CDK5RAP2: variants seen among roughly 807,000 people sequenced by gnomAD.
CDK5RAP2 encodes CDK5 regulatory subunit associated protein 2, also known as CDK5 regulatory subunit-associated protein 2.
CDK5RAP2 carries 147 observed loss-of-function variants against 232.9 expected under a neutral mutation model. That is an observed-to-expected ratio of 0.63 (90% CI 0.55 to 0.72). The LOEUF (loss-of-function observed/expected upper bound fraction) is 0.72, where lower values mean the gene tolerates loss of function less well. CDK5RAP2 is among the 30% of genes least tolerant of loss of function. The pLI is 0.00. For missense variants in CDK5RAP2, 2,195 were observed against 2,231.5 expected (o/e 0.98, Z 0.33); for synonymous variants, 833 against 833.7 (o/e 1.00, Z 0.01).
rs2042876825 is a variant in CDK5RAP2 at position 120,572,103 on chromosome 9, C to T, written c.60-62G>A. On this transcript the variant is annotated intron_variant, in intron 1 of 37. Coordinates refer to ENST00000349780, the MANE Select transcript of CDK5RAP2 (RefSeq NM_018249.6). ...GTTTGAACAACAGAGACTGTTAAGA[C>T]GGTCTGGACTGCACATGACAATCAT... 13 of 1,257,200 alleles carry T rather than the reference C, an allele frequency of 1.0e-5. 1 individual carries two copies. Among genetic ancestry groups the T allele is most frequent in the South Asian group, 3.6e-5 (3 of 83,742 alleles). 77.9% of individuals were successfully genotyped at this position (1,257,200 alleles called of 1,614,324 possible).
intron 24 of CDK5RAP2, among the ~76,000 whole-genome samples, 156 bp from the exon 25 acceptor site, chr9:120,437,683 G>A (rs374293883): frequency 6.6e-6 from 1 of 152,166 alleles, no homozygotes; most frequent in Non-Finnish European, 1.5e-5. Flanking sequence ...TACAAGGTCA[G>A]CTCTTCTTTG....
At chr9:120,500,246 GA>G (rs1229974731) in intron 12 of CDK5RAP2, among the ~76,000 whole-genome samples, 8 of 151,986 alleles carry the variant, frequency 5.3e-5, no homozygotes, top group Admixed American at 5.2e-4. Flanking sequence ...TGCTAGTACA[GA>G]AAATACAAAA....
At chr9:120,396,201 T>C (rs74440997) in intron 35 of CDK5RAP2, among the ~76,000 whole-genome samples, 2,144 of 152,356 alleles carry the variant, frequency 0.014, 55 homozygotes, top group African/African-American at 0.048. Flanking sequence ...ACAAGGACTT[T>C]GACAGTTCTT....
intron 3 of CDK5RAP2, among the ~76,000 whole-genome samples, chr9:120,558,055 C>A (rs527766342): frequency 4.9e-5 from 7 of 143,610 alleles, no homozygotes; most frequent in African/African-American, 1.8e-4. Flanking sequence ...CGTGAGCCAC[C>A]GTGCCCAGCC....
chr9:120,544,118 G>A (rs1296441271), intron 5 of CDK5RAP2, among the ~76,000 whole-genome samples: 2 of 152,106 alleles, frequency 1.3e-5, no homozygotes, highest in East Asian at 1.9e-4. Context: ...ACACAACCCT[G>A]AGCAGTTTGG....
intron 27 of CDK5RAP2, among the ~76,000 whole-genome samples, chr9:120,419,325 T>C (rs1003409341): frequency 6.6e-6 from 1 of 152,202 alleles, no homozygotes; most frequent in Non-Finnish European, 1.5e-5. Context: ...CAATGGGCCA[T>C]GGGTCACACT....
At chr9:120,432,440 G>T (rs1189361546) in intron 25 of CDK5RAP2, among the ~76,000 whole-genome samples, 1 of 151,904 alleles carries the variant, frequency 6.6e-6, no homozygotes, top group Non-Finnish European at 1.5e-5. Context: ...TTTTTTAAAG[G>T]CTATATTTAA....
chr9:120,482,853 T>A (rs1458791546), intron 14 of CDK5RAP2, among the ~76,000 whole-genome samples: 1 of 152,258 alleles, frequency 6.6e-6, no homozygotes, highest in Non-Finnish European at 1.5e-5. Context: ...AGCAAATTGC[T>A]TACCCATGTT....
intron 8 of CDK5RAP2, among the ~76,000 whole-genome samples, chr9:120,529,655 T>C (rs1318014504): frequency 6.6e-6 from 1 of 152,116 alleles, no homozygotes; most frequent in Non-Finnish European, 1.5e-5. Flanking sequence ...TGGAAAACAA[T>C]GCACCACAAC....
At chr9:120,522,608 G>C (rs4837777) in intron 11 of CDK5RAP2, among the ~76,000 whole-genome samples, 1 of 152,116 alleles carries the variant, frequency 6.6e-6, no homozygotes, top group African/African-American at 2.4e-5. Context: ...TAATAGCTGG[G>C]AGGATGCCAT....
chr9:120,503,408 C>G (rs1414613171), intron 12 of CDK5RAP2, among the ~76,000 whole-genome samples: 1 of 152,190 alleles, frequency 6.6e-6, no homozygotes, highest in African/African-American at 2.4e-5. Flanking sequence ...AACACAAAGA[C>G]AGCAGACAGG....
intron 16 of CDK5RAP2, 83 bp downstream of exon 16, chr9:120,471,665 A>G: frequency 6.3e-7 from 1 of 1,598,498 alleles, no homozygotes; most frequent in Non-Finnish European, 8.6e-7. Flanking sequence ...ATCCCTTAAC[A>G]AATATTTAGG....
chr9:120,448,138 C>T lies in CDK5RAP2; in HGVS notation c.2794-12G>A, dbSNP rs756409336. On this transcript the variant is annotated splice_polypyrimidine_tract_variant and intron_variant, in intron 21 of 37. Coordinates refer to ENST00000349780, the MANE Select transcript of CDK5RAP2 (RefSeq NM_018249.6). ...GACTTCTTAGCCTCCTGAAAACACA[C>T]ATATGCAACAATGAATACACTTTGA... The T allele has an allele frequency of 5.8e-5, 91 of 1,576,052 alleles. No homozygotes were observed. The highest frequency in any genetic ancestry group is 7.6e-5 in the Non-Finnish European group (87 of 1,145,404).
At chr9:120,534,173 G>C (rs2041285773) in intron 7 of CDK5RAP2, among the ~76,000 whole-genome samples, 1 of 152,052 alleles carries the variant, frequency 6.6e-6, no homozygotes, top group African/African-American at 2.4e-5. Context: ...TAAGGTCCAT[G>C]TCACCTCCCC....
chr9:120,547,429 C>T (rs2041889596), intron 4 of CDK5RAP2, among the ~76,000 whole-genome samples: 1 of 152,036 alleles, frequency 6.6e-6, no homozygotes, highest in South Asian at 2.1e-4. Context: ...CATGGCAAAA[C>T]ACTGTCTCAG....
intron 30 of CDK5RAP2, among the ~76,000 whole-genome samples, chr9:120,408,832 G>A (rs2033658808): frequency 6.6e-6 from 1 of 152,256 alleles, no homozygotes. Context: ...ATCTTTCCCA[G>A]GTAGCTGCAG....
At chr9:120,508,250 T>C (rs2039923127) in intron 12 of CDK5RAP2, among the ~76,000 whole-genome samples, 1 of 152,060 alleles carries the variant, frequency 6.6e-6, no homozygotes, top group Non-Finnish European at 1.5e-5. Flanking sequence ...TTTCCAGAAT[T>C]AGTAGGTGAG....
At chr9:120,422,843 G>C in intron 25 of CDK5RAP2, 102 bp from the exon 26 acceptor site, 1 of 817,754 alleles carries the variant, frequency 1.2e-6, no homozygotes, top group Non-Finnish European at 2.1e-6. Context: ...TATTCCACTT[G>C]TTTAAACACT....
At chr9:120,432,926 C>T (rs1347949568) in intron 25 of CDK5RAP2, among the ~76,000 whole-genome samples, 1 of 152,136 alleles carries the variant, frequency 6.6e-6, no homozygotes, top group Non-Finnish European at 1.5e-5. Context: ...TAGTTCTCCA[C>T]TAATAAAATG....
Sources: allele counts gnomAD v4.1 joint callset (sites outside exome capture counted in the v4.1 genomes callset), GRCh38; gene constraint gnomAD v4.1.1; transcripts MANE v1.5; gene names NCBI Gene and HGNC (gene_info 2026-07-23, HGNC 2026-07-21).